Variants in ZMAT4 observed in about 807,000 individuals in gnomAD.
ZMAT4 encodes the protein zinc finger matrin-type protein 4.
A neutral mutation model predicts 28.7 loss-of-function variants in ZMAT4; 17 were observed. The ratio of observed to expected loss-of-function variants is 0.59; its 90% CI spans 0.41 to 0.89. The LOEUF (loss-of-function observed/expected upper bound fraction) is 0.89, where lower values mean the gene tolerates loss of function less well. ZMAT4 is among the 40% of genes least tolerant of loss of function. The pLI, the probability that ZMAT4 is intolerant of heterozygous loss-of-function variation, is 0.00. For missense variants in ZMAT4, 240 were observed against 283.8 expected (o/e 0.85, Z 1.11); for synonymous variants, 117 against 109.2 (o/e 1.07, Z -0.44).
intron 1 of ZMAT4, among the ~76,000 whole-genome samples, chr8:40,868,858 T>C (rs1234195304): frequency 6.6e-6 from 1 of 152,252 alleles, no homozygotes; most frequent in East Asian, 1.9e-4. Flanking sequence ...TAGTTCATAC[T>C]GCACACCCCC....
At chr8:40,857,015 C>T (rs1012826817) in intron 1 of ZMAT4, among the ~76,000 whole-genome samples, 9 of 152,094 alleles carry the variant, frequency 5.9e-5, no homozygotes, top group African/African-American at 2.2e-4. Context: ...GAAAATCCTG[C>T]TATTGGTGTT....
At chr8:40,803,199 C>A (rs960917050) in intron 2 of ZMAT4, among the ~76,000 whole-genome samples, 11 of 151,966 alleles carry the variant, frequency 7.2e-5, no homozygotes, top group African/African-American at 2.4e-4. Context: ...TAGGCATGAT[C>A]TATAAAAGAA....
At chr8:40,825,476 T>C (rs1815999253) in intron 2 of ZMAT4, 99 bp downstream of exon 2, 1 of 988,166 alleles carries the variant, frequency 1.0e-6, no homozygotes, top group African/African-American at 1.6e-5. Context: ...GTTCTTCAAA[T>C]GTGCCCCAAG....
chr8:40,666,540 A>AATACAAAAG (rs1157389044), intron 5 of ZMAT4, among the ~76,000 whole-genome samples: 1 of 152,174 alleles, frequency 6.6e-6, no homozygotes, highest in African/African-American at 2.4e-5. Flanking sequence ...AAATTAAAAA[A>AATACAAAAG]ATACAAAAGG....
chr8:40,631,192 T>TAA (rs35960493), intron 5 of ZMAT4, among the ~76,000 whole-genome samples: 85,350 of 151,754 alleles, frequency 0.56, 25,159 homozygotes, highest in East Asian at 0.69. Flanking sequence ...TTTGTTTATT[T>TAA]GACAGAGTCT....
At chr8:40,681,973 A>G (rs553590738) in intron 4 of ZMAT4, among the ~76,000 whole-genome samples, 3 of 152,280 alleles carry the variant, frequency 2.0e-5, no homozygotes, top group African/African-American at 7.2e-5. Flanking sequence ...TTATATGTAT[A>G]ATATCAACAA....
intron 1 of ZMAT4, among the ~76,000 whole-genome samples, chr8:40,872,598 G>T (rs1038043125): frequency 6.6e-6 from 1 of 152,184 alleles, no homozygotes; most frequent in Non-Finnish European, 1.5e-5. Context: ...GCCAAGGGTG[G>T]CACAGTGGAT....
intron 1 of ZMAT4, among the ~76,000 whole-genome samples, chr8:40,826,123 ATG>A: frequency 6.6e-6 from 1 of 152,354 alleles, no homozygotes; most frequent in Admixed American, 6.5e-5. Context: ...AAAAGGATTT[ATG>A]TGAGATATTT....
rs185340376 is a variant in ZMAT4 at position 40,641,976 on chromosome 8, C to G, written c.577+32728G>C. Among the ~76,000 whole-genome samples, 144 of 152,140 alleles carry G rather than the reference C, an allele frequency of 9.5e-4. 1 individual carries two copies. Among genetic ancestry groups the G allele is most frequent in the African/African-American group, 3.0e-3 (125 of 41,530 alleles). On this transcript the variant is annotated intron_variant, in intron 5 of 6. Transcript: ENST00000297737. ...TAAAAATAAAGTGAACTCATTTCCT[C>G]TCTCTAAAATGGCCTTATACTCTTT...
chr8:40,634,071 A>G (rs1806700593), intron 5 of ZMAT4, among the ~76,000 whole-genome samples: 1 of 152,180 alleles, frequency 6.6e-6, no homozygotes, highest in Non-Finnish European at 1.5e-5. Context: ...ACCCAAGCAC[A>G]TTTTTGAAGA....
At chr8:40,773,446 C>T (rs772094085) in intron 2 of ZMAT4, among the ~76,000 whole-genome samples, 1 of 151,946 alleles carries the variant, frequency 6.6e-6, no homozygotes, top group Non-Finnish European at 1.5e-5. Flanking sequence ...GCCAATCACA[C>T]ATAGCAGGGA....
chr8:40,609,098 T>C (rs1349449112), intron 5 of ZMAT4, among the ~76,000 whole-genome samples: 3 of 152,208 alleles, frequency 2.0e-5, no homozygotes, highest in African/African-American at 7.2e-5. Context: ...TCTGCCATTT[T>C]CTGTCATCAG....
At chr8:40,868,640 G>T (rs905477827) in intron 1 of ZMAT4, among the ~76,000 whole-genome samples, 2 of 152,186 alleles carry the variant, frequency 1.3e-5, no homozygotes, top group Non-Finnish European at 2.9e-5. Flanking sequence ...AGGGTCCAAG[G>T]TCACCTGACC....
rs148970759 is a variant in ZMAT4, at chr8:40,668,561, A to G, written c.577+6143T>C. Among the ~76,000 whole-genome samples, 90 of 152,072 alleles carry G rather than the reference A, an allele frequency of 5.9e-4. 1 individual carries two copies. Among genetic ancestry groups the G allele is most frequent in the African/African-American group, 2.0e-3 (84 of 41,514 alleles). On this transcript the variant is annotated intron_variant, in intron 5 of 6. Coordinates refer to ENST00000297737, the MANE Select transcript of ZMAT4 (RefSeq NM_024645.3). ...AATGCAGAAAAAATTGCCCTATTCT[A>G]GGGAAAAAAAATGCCACTAAGGACA...
intron 6 of ZMAT4, among the ~76,000 whole-genome samples, chr8:40,541,696 T>A (rs1345518335): frequency 2.0e-5 from 3 of 152,174 alleles, no homozygotes; most frequent in Non-Finnish European, 4.4e-5. Flanking sequence ...ATCAATCCAC[T>A]GATTTTTCCC....
At chr8:40,688,589 A>G (rs960415731) in intron 4 of ZMAT4, among the ~76,000 whole-genome samples, 1 of 152,250 alleles carries the variant, frequency 6.6e-6, no homozygotes. Flanking sequence ...ATTTATGATT[A>G]GAGCCATAAA....
intron 3 of ZMAT4, among the ~76,000 whole-genome samples, chr8:40,713,257 T>C (rs1488967114): frequency 2.0e-5 from 3 of 151,980 alleles, no homozygotes; most frequent in South Asian, 4.1e-4. Flanking sequence ...TTGGGGAAAA[T>C]AATGAAACCA....
chr8:40,865,532 G>C (rs1430143149), intron 1 of ZMAT4, among the ~76,000 whole-genome samples: 1 of 152,158 alleles, frequency 6.6e-6, no homozygotes, highest in Non-Finnish European at 1.5e-5. Context: ...ACCCTCAGAG[G>C]ATGGACAATG....
chr8:40,835,067 A>C (rs550557113), intron 1 of ZMAT4, among the ~76,000 whole-genome samples: 74 of 152,134 alleles, frequency 4.9e-4, no homozygotes, highest in Non-Finnish European at 9.1e-4. Context: ...AAACTCCAGC[A>C]CCTTCTCCAG....
Sources: gnomAD v4.1 joint callset for allele counts (sites outside exome capture counted in the v4.1 genomes callset) on GRCh38, gnomAD v4.1.1 for gene constraint, MANE v1.5 for transcripts, NCBI Gene and HGNC (gene_info 2026-07-23, HGNC 2026-07-21) for gene names.